Variants in RAPGEF5 observed in about 807,000 individuals in gnomAD.
The protein encoded by RAPGEF5 is M-Ras-regulated GEF.
RAPGEF5 carries 65 observed loss-of-function variants against 125.2 expected under a neutral mutation model. The ratio of observed to expected loss-of-function variants is 0.52; its 90% CI spans 0.43 to 0.64. RAPGEF5 has a LOEUF of 0.64. Ranked by LOEUF, RAPGEF5 falls within the 30% of genes least tolerant of loss-of-function variation. The pLI is 0.00. For missense variants in RAPGEF5, 958 were observed against 1,048.1 expected (o/e 0.91, Z 1.19); for synonymous variants, 391 against 385.9 (o/e 1.01, Z -0.16).
intron 11 of RAPGEF5, among the ~76,000 whole-genome samples, chr7:22,169,459 T>A (rs1359992796): frequency 6.6e-6 from 1 of 152,176 alleles, no homozygotes; most frequent in East Asian, 1.9e-4. Context: ...TTGAAAACTA[T>A]TCCTCTGGGC....
intron 8 of RAPGEF5, among the ~76,000 whole-genome samples, chr7:22,221,600 T>A (rs1369875959): frequency 6.6e-6 from 1 of 152,202 alleles, no homozygotes; most frequent in African/African-American, 2.4e-5. Context: ...TTTCCGGTGC[T>A]ATTCTCGTAG....
At chr7:22,214,425 C>T (rs1027023328) in intron 9 of RAPGEF5, among the ~76,000 whole-genome samples, 1 of 152,116 alleles carries the variant, frequency 6.6e-6, no homozygotes, top group Non-Finnish European at 1.5e-5. Flanking sequence ...AGTTGGAAGT[C>T]AGGAAGTCAG....
chr7:22,227,937 T>C (rs1208218509), intron 8 of RAPGEF5, among the ~76,000 whole-genome samples: 1 of 152,212 alleles, frequency 6.6e-6, no homozygotes, highest in Non-Finnish European at 1.5e-5. Flanking sequence ...TTGACAAAGA[T>C]TCTTAAATCC....
Position 22,267,906 on chromosome 7 carries a change from T to A in RAPGEF5, c.748-894A>T, listed in dbSNP as rs75243557. ...CGGGTGGGGGTATCAGGCAGCAGAA[T>A]ATATTGCAGTAATGACACTTTAAAG... On this transcript the variant is annotated intron_variant, in intron 6 of 25. Transcript: ENST00000665637. 2.6e-3 allele frequency among the ~76,000 whole-genome samples: 395 copies of A among 151,904 alleles called. 4 individuals are homozygous for A. The East Asian group carries it at 0.064, about 24-fold the overall frequency.
At chr7:22,170,387 T>G (rs1784313219) in intron 11 of RAPGEF5, among the ~76,000 whole-genome samples, 1 of 152,198 alleles carries the variant, frequency 6.6e-6, no homozygotes, top group African/African-American at 2.4e-5. Flanking sequence ...TTTAGGGTTT[T>G]CAATGGCTCT....
In RAPGEF5 at chr7:22,273,290, C is replaced by T. The variant is rs904183929; in HGVS notation, c.748-6278G>A. 3.5e-5 allele frequency among the ~76,000 whole-genome samples: 5 copies of T among 143,436 alleles called. No individual in the cohort carries two copies. The East Asian group carries it at 8.5e-4, about 24-fold the overall frequency. The allele number at this position is 143,436 out of a possible 152,430, so 94.1% of individuals were successfully genotyped here. On this transcript the variant is annotated intron_variant, in intron 6 of 25. Transcript: ENST00000665637. ...CTTGAGTGCAGTGGCGCAATCTCGG[C>T]TCACTGCAAGCTCCGCCTCCCGGGT...
intron 9 of RAPGEF5, among the ~76,000 whole-genome samples, chr7:22,200,175 G>A (rs534607244): frequency 6.6e-6 from 1 of 151,874 alleles, no homozygotes; most frequent in Non-Finnish European, 1.5e-5. Context: ...TACAAATGTG[G>A]GTACAGCAGA....
intron 9 of RAPGEF5, among the ~76,000 whole-genome samples, chr7:22,217,426 G>C (rs547231870): frequency 6.6e-6 from 1 of 152,254 alleles, no homozygotes; most frequent in South Asian, 2.1e-4. Flanking sequence ...GAACTTAAGG[G>C]GTAAGCAAAG....
At chr7:22,215,856 C>A (rs1300833897) in intron 9 of RAPGEF5, among the ~76,000 whole-genome samples, 5 of 152,162 alleles carry the variant, frequency 3.3e-5, no homozygotes, top group Non-Finnish European at 7.3e-5. Context: ...CAGAACCCCA[C>A]CTAACAATCT....
At chr7:22,236,415 G>A (rs2128135439) in intron 7 of RAPGEF5, among the ~76,000 whole-genome samples, 1 of 152,254 alleles carries the variant, frequency 6.6e-6, no homozygotes, top group East Asian at 1.9e-4. Context: ...AGGTGTAGTG[G>A]CACAATCTGC....
chr7:22,195,737 C>A (rs186363516), intron 9 of RAPGEF5, among the ~76,000 whole-genome samples: 19 of 151,912 alleles, frequency 1.3e-4, no homozygotes, highest in Middle Eastern at 3.4e-3. Context: ...CCCCAAAAAA[C>A]GAAAAACAAA....
At chr7:22,338,542 T>C (rs891213636) in intron 1 of RAPGEF5, among the ~76,000 whole-genome samples, 15 of 152,234 alleles carry the variant, frequency 9.9e-5, no homozygotes, top group African/African-American at 3.4e-4. Flanking sequence ...CTTTAGTCAT[T>C]TGTGTATTCT....
intron 7 of RAPGEF5, among the ~76,000 whole-genome samples, chr7:22,255,774 T>G (rs909626685): frequency 6.6e-6 from 1 of 152,202 alleles, no homozygotes; most frequent in African/African-American, 2.4e-5. Context: ...CTTGAAGAGT[T>G]TATGAGTTTT....
At chr7:22,135,094 G>A (rs546348326) in intron 23 of RAPGEF5, among the ~76,000 whole-genome samples, 15 of 152,184 alleles carry the variant, frequency 9.9e-5, no homozygotes, top group Non-Finnish European at 1.9e-4. Flanking sequence ...GACGAGGGGC[G>A]TGGTGGCAAT....
chr7:22,144,433 C>G (rs1274227655), intron 20 of RAPGEF5, among the ~76,000 whole-genome samples: 1 of 152,226 alleles, frequency 6.6e-6, no homozygotes, highest in Non-Finnish European at 1.5e-5. Flanking sequence ...GAATATTTGA[C>G]TGAGGTCTTG....
intron 8 of RAPGEF5, 40 bp from the exon 9 acceptor site, chr7:22,220,031 A>G (rs1470297940): frequency 1.9e-6 from 3 of 1,609,888 alleles, no homozygotes; most frequent in Non-Finnish European, 2.5e-6. Context: ...ACTTAAAACC[A>G]CAGTCCCAGG....
At chr7:22,296,526 GT>G (rs887030755) in intron 5 of RAPGEF5, among the ~76,000 whole-genome samples, 1 of 152,164 alleles carries the variant, frequency 6.6e-6, no homozygotes, top group African/African-American at 2.4e-5. Flanking sequence ...GCCCCTAACT[GT>G]TTGGTACCTG....
chr7:22,213,492 ACTGTAAACTT>A (rs1224744400), intron 9 of RAPGEF5, among the ~76,000 whole-genome samples: 1 of 152,160 alleles, frequency 6.6e-6, no homozygotes, highest in Non-Finnish European at 1.5e-5. Context: ...CCCCAGCTAG[ACTGTAAACTT>A]CTTGGAGGCA....
chr7:22,162,845 C>A (rs1194685827), intron 12 of RAPGEF5: 1 of 481,488 alleles, frequency 2.1e-6, no homozygotes, highest in South Asian at 1.6e-5. Context: ...ACTAGGTGGT[C>A]CATTAATTTC....
Sources: gnomAD v4.1 joint callset for allele counts (sites outside exome capture counted in the v4.1 genomes callset) on GRCh38, gnomAD v4.1.1 for gene constraint, MANE v1.5 for transcripts, NCBI Gene and HGNC (gene_info 2026-07-23, HGNC 2026-07-21) for gene names.